The following CSMD3 variants were observed in gnomAD, a reference collection of about 807,000 sequenced individuals.
CSMD3 encodes the protein CUB and Sushi multiple domains 3, also known as CUB and sushi domain-containing protein 3.
Under a neutral mutation model 435.2 loss-of-function variants are expected in CSMD3, and 177 were observed. That is an observed-to-expected ratio of 0.41 (90% CI 0.36 to 0.46). The LOEUF (loss-of-function observed/expected upper bound fraction) is 0.46. CSMD3 is among the 20% of genes least tolerant of loss of function. CSMD3 has a pLI of 0.34. For synonymous variants in CSMD3, 1,656 were observed against 1,520.5 expected, an observed-to-expected ratio of 1.09 and a Z score of -2.07; for missense variants, 4,265 against 4,504.6, an observed-to-expected ratio of 0.95 and a Z score of 1.52.
chr8:113,302,018 A>G (rs2093772669), intron 2 of CSMD3, among the ~76,000 whole-genome samples: 1 of 151,194 alleles, frequency 6.6e-6, no homozygotes, highest in Non-Finnish European at 1.5e-5. Flanking sequence ...TAATTCAATA[A>G]ATTTATCTGA....
chr8:113,339,824 G>A (rs1243223566), intron 1 of CSMD3, among the ~76,000 whole-genome samples: 6 of 151,832 alleles, frequency 4.0e-5, no homozygotes, highest in African/African-American at 9.7e-5. Context: ...CTATATGGTC[G>A]TTATATGCTT....
chr8:112,686,793 A>G (rs2076023275), intron 14 of CSMD3, among the ~76,000 whole-genome samples: 1 of 151,986 alleles, frequency 6.6e-6, no homozygotes, highest in Non-Finnish European at 1.5e-5. Flanking sequence ...GCCTTTTATT[A>G]CATATTTTTT....
Position 112,954,751 on chromosome 8 carries a change from G to A in CSMD3, c.1353C>T (p.Ala451=). ...LAVVTHRVKK[A]IDFKSRGFKL... is the part of the protein sequence containing the mutation. ...TAAATCCTCTAGATTTAAAATCTAT[G>A]GCCTTTTTCACTAGTTAAGAAAACA... Residue 451 remains alanine, a synonymous_variant, in exon 8 of 71, where the codon GCC becomes GCT. Coordinates refer to ENST00000297405, the MANE Select transcript of CSMD3 (RefSeq NM_198123.2). The A allele has an allele frequency of 1.3e-6, 2 of 1,572,242 alleles. No homozygotes were observed. Among genetic ancestry groups the A allele is most frequent in the Non-Finnish European group, 1.7e-6 (2 of 1,144,186 alleles).
Position 112,247,651 on chromosome 8 carries a change from T to C in CSMD3, c.10111-520A>G, listed in dbSNP as rs1411508656. On this transcript the variant is annotated intron_variant, in intron 63 of 70. Coordinates refer to ENST00000297405, the MANE Select transcript of CSMD3 (RefSeq NM_198123.2). ...TGGAAGATATACTGTTTGTACTAGC[T>C]TTTAAGGGTATAGTAATTAGGAGAA... is the stretch of plus-strand genomic sequence containing the variant. Among the ~76,000 whole-genome samples the C allele has an allele frequency of 3.3e-5, 5 of 152,232 alleles. No individual in the cohort carries two copies. The East Asian group carries it at 9.7e-4, about 29-fold the overall frequency.
intron 35 of CSMD3, among the ~76,000 whole-genome samples, chr8:112,395,829 A>AT (rs1421749049): frequency 1.2e-4 from 19 of 152,286 alleles, no homozygotes; most frequent in Non-Finnish European, 2.2e-4. Flanking sequence ...AATTTGGAAG[A>AT]TAAAAACTCA....
intron 32 of CSMD3, among the ~76,000 whole-genome samples, chr8:112,439,649 T>C (rs1814765589): frequency 2.0e-5 from 3 of 151,262 alleles, no homozygotes; most frequent in Admixed American, 2.0e-4. Flanking sequence ...CAGTTCCTCA[T>C]GGCTGGGGAA....
intron 13 of CSMD3, among the ~76,000 whole-genome samples, chr8:112,691,958 A>G (rs2076146500): frequency 6.6e-6 from 1 of 151,814 alleles, no homozygotes; most frequent in Non-Finnish European, 1.5e-5. Context: ...TCGTGCCACC[A>G]TGCCCAAGTA....
chr8:113,183,084 A>G (rs942798693), intron 3 of CSMD3, among the ~76,000 whole-genome samples: 1 of 152,070 alleles, frequency 6.6e-6, no homozygotes, highest in African/African-American at 2.4e-5. Context: ...CTGCCCTGGC[A>G]GACCCTGGTC....
rs141825858 is a variant in CSMD3, at chr8:113,215,163, C to T, written c.515-41247G>A. Among the ~76,000 whole-genome samples the T allele has an allele frequency of 1.1e-4, 17 of 151,882 alleles. No homozygotes were observed. The East Asian group carries it at 3.3e-3, about 30-fold the overall frequency. ...TGATCTTTACTTACTGATATATTTG[C>T]TTTGCTTATAATTTTGACCACAAAA... On this transcript the variant is annotated intron_variant, in intron 3 of 70. Coordinates refer to ENST00000297405, the MANE Select transcript of CSMD3 (RefSeq NM_198123.2).
intron 6 of CSMD3, among the ~76,000 whole-genome samples, chr8:112,993,903 A>G (rs1409100508): frequency 6.6e-6 from 1 of 151,792 alleles, no homozygotes; most frequent in Non-Finnish European, 1.5e-5. Context: ...AGTTATTCAC[A>G]TAGATTCAAA....
At chr8:113,021,557 C>T (rs990866062) in intron 5 of CSMD3, among the ~76,000 whole-genome samples, 2 of 152,014 alleles carry the variant, frequency 1.3e-5, no homozygotes, top group African/African-American at 4.8e-5. Context: ...GGAGATGACC[C>T]CCTAAAAGAC....
In CSMD3 at chr8:112,620,264, G is replaced by T. The variant is rs182550504; in HGVS notation, c.3715+16553C>A. 5.3e-5 allele frequency among the ~76,000 whole-genome samples: 8 copies of T among 152,048 alleles called. No individual in the cohort carries two copies. In the East Asian group the frequency reaches 1.6e-3, roughly 29 times the overall value. ...CAAAGTAGCTTTGAAAGACATTTGG[G>T]GGAAATTTTTGGAAATTTCAGTAGG... On this transcript the variant is annotated intron_variant, in intron 22 of 70. Coordinates refer to ENST00000297405, the MANE Select transcript of CSMD3 (RefSeq NM_198123.2).
rs116801437 is a variant in CSMD3 at position 112,988,971 on chromosome 8, G to A, written c.1031-12823C>T. On this transcript the variant is annotated intron_variant, in intron 6 of 70. Transcript: ENST00000297405. ...AAGTTGATTTAAGTAATTCATTCAC[G>A]TATTCACTCAACAAGTATTTATTGT... Among the ~76,000 whole-genome samples the A allele has an allele frequency of 6.2e-3, 945 of 152,076 alleles. 9 individuals carry two copies. Among genetic ancestry groups the A allele is most frequent in the African/African-American group, 0.022 (911 of 41,502 alleles).
chr8:113,201,739 C>T (rs1262027233), intron 3 of CSMD3, among the ~76,000 whole-genome samples: 2 of 151,916 alleles, frequency 1.3e-5, no homozygotes, highest in Admixed American at 6.6e-5. Flanking sequence ...TTTAAAAAAA[C>T]CTTTAGAGCA....
At chr8:112,308,264 A>T (rs1035387912) in intron 50 of CSMD3, among the ~76,000 whole-genome samples, 1 of 152,126 alleles carries the variant, frequency 6.6e-6, no homozygotes, top group Admixed American at 6.6e-5. Context: ...GTTATATGCC[A>T]TCTCCCTCCC....
At chr8:112,491,582 G>A (rs2130847054) in intron 31 of CSMD3, among the ~76,000 whole-genome samples, 1 of 152,222 alleles carries the variant, frequency 6.6e-6, no homozygotes, top group South Asian at 2.1e-4. Flanking sequence ...TGCGGGAGGT[G>A]GAGTTGCAGT....
chr8:113,072,968 A>T (rs762844208), intron 5 of CSMD3, among the ~76,000 whole-genome samples: 3 of 151,682 alleles, frequency 2.0e-5, no homozygotes, highest in Non-Finnish European at 1.5e-5. Flanking sequence ...TACAACTCTA[A>T]GTCTGACTTT....
At chr8:113,065,553 A>T (rs943016248) in intron 5 of CSMD3, among the ~76,000 whole-genome samples, 1 of 151,498 alleles carries the variant, frequency 6.6e-6, no homozygotes, top group East Asian at 1.9e-4. Context: ...CGCCTGGCTA[A>T]TTTTTTTTGT....
chr8:112,249,944 C>T (rs1815120071), intron 63 of CSMD3, among the ~76,000 whole-genome samples: 1 of 151,948 alleles, frequency 6.6e-6, no homozygotes, highest in African/African-American at 2.4e-5. Flanking sequence ...TCCTTGTGCA[C>T]CTTGAGCTTA....
Sources: gnomAD v4.1 joint callset for allele counts (sites outside exome capture counted in the v4.1 genomes callset) on GRCh38, gnomAD v4.1.1 for gene constraint, MANE v1.5 for transcripts, NCBI Gene and HGNC (gene_info 2026-07-23, HGNC 2026-07-21) for gene names.